Variants in RAPGEF2 observed in about 807,000 individuals in gnomAD.
The protein encoded by RAPGEF2 is PDZ domain containing guanine nucleotide exchange factor (GEF) 1.
RAPGEF2 carries 54 observed loss-of-function variants against 186.7 expected under a neutral mutation model. The observed-to-expected ratio is 0.29, with a 90% confidence interval of 0.23 to 0.36. RAPGEF2 has a LOEUF of 0.36. Among genes scored for constraint, RAPGEF2 ranks in the 10% least tolerant of loss-of-function variants. The pLI is 1.00. For synonymous variants in RAPGEF2, 712 were observed against 705.9 expected (o/e 1.01, Z -0.14); for missense variants, 1,532 against 2,045.0 (o/e 0.75, Z 4.84).
At chr4:159,357,915 A>G (rs1305858330) in intron 29 of RAPGEF2, among the ~76,000 whole-genome samples, 199 bp from the exon 30 acceptor site, 1 of 152,144 alleles carries the variant, frequency 6.6e-6, no homozygotes, top group Non-Finnish European at 1.5e-5. Context: ...GTATATATGT[A>G]AAGATATGTA....
intron 7 of RAPGEF2, among the ~76,000 whole-genome samples, chr4:159,252,137 A>G (rs1225625984): frequency 6.6e-6 from 1 of 152,106 alleles, no homozygotes; most frequent in African/African-American, 2.4e-5. Flanking sequence ...AATTCCGGAG[A>G]CACAACTCCA....
At chr4:159,325,107 G>A (rs1765745845) in intron 11 of RAPGEF2, among the ~76,000 whole-genome samples, 1 of 151,774 alleles carries the variant, frequency 6.6e-6, no homozygotes, top group Non-Finnish European at 1.5e-5. Context: ...AATGACCATG[G>A]CTATACATAA....
intron 17 of RAPGEF2, among the ~76,000 whole-genome samples, chr4:159,335,161 G>T (rs1767225845): frequency 6.6e-6 from 1 of 152,168 alleles, no homozygotes; most frequent in African/African-American, 2.4e-5. Flanking sequence ...AAGCTAAGAT[G>T]CTAGATAATG....
intron 1 of RAPGEF2, among the ~76,000 whole-genome samples, chr4:159,127,473 T>C (rs2111116347): frequency 6.6e-6 from 1 of 152,364 alleles, no homozygotes; most frequent in South Asian, 2.1e-4. Flanking sequence ...CCCCCCTTCA[T>C]GAAGCATCTT....
intron 4 of RAPGEF2, among the ~76,000 whole-genome samples, chr4:159,233,550 C>T (rs2111445698): frequency 6.6e-6 from 1 of 152,134 alleles, no homozygotes; most frequent in East Asian, 1.9e-4. Flanking sequence ...TATGTTCTCA[C>T]TCATAAGTGG....
chr4:159,305,586 A>G (rs930938913), intron 8 of RAPGEF2, among the ~76,000 whole-genome samples: 2 of 152,100 alleles, frequency 1.3e-5, no homozygotes, highest in African/African-American at 4.8e-5. Context: ...AGTCCCCAGT[A>G]GGATGCATAG....
intron 7 of RAPGEF2, among the ~76,000 whole-genome samples, chr4:159,277,491 G>T (rs1197109727): frequency 6.6e-6 from 1 of 152,146 alleles, no homozygotes; most frequent in Non-Finnish European, 1.5e-5. Flanking sequence ...GATCCCTGAG[G>T]AATCGCCACA....
In RAPGEF2 at chr4:159,352,735, C is replaced by T; in HGVS notation, c.3916C>T (p.His1306Tyr). 1 of 1,614,152 alleles carries T rather than the reference C, an allele frequency of 6.2e-7. No homozygotes were observed. Among genetic ancestry groups the T allele is most frequent in the Non-Finnish European group, 8.5e-7 (1 of 1,180,022 alleles). The change falls in exon 27 of 30, where the codon CAC (histidine) becomes TAC (tyrosine). Residue 1306 changes from histidine (H) to tyrosine (Y), a missense_variant. His to Tyr is a moderately conservative substitution (Grantham distance 83). Around this residue, in one of 4 missense-constraint regions of RAPGEF2, gnomAD observed 594 missense variants for 608.5 expected, o/e 0.98. Transcript: ENST00000691494. ...TGTGGATAATTTTTCAGATTCTGGT[C>T]ACAGTGAAATTTCTTCACGATCCAG... ...GTVDNFSDSG[H>Y]SEISSRSSIV...
intron 3 of RAPGEF2, among the ~76,000 whole-genome samples, chr4:159,197,059 GT>G (rs1748724907): frequency 6.6e-6 from 1 of 152,190 alleles, no homozygotes; most frequent in South Asian, 2.1e-4. Context: ...GTATTGTGCT[GT>G]TTTGTGGGAA....
In RAPGEF2 at chr4:159,157,350, AAG is replaced by A. The variant is rs1491138922; in HGVS notation, c.70-29290_70-29289del. 2.6e-5 allele frequency among the ~76,000 whole-genome samples: 4 copies of A among 152,322 alleles called. No homozygotes were observed. The East Asian group carries it at 7.7e-4, about 29-fold the overall frequency. ...TACCGTTCAGTGGTGATTGAAAAAA[AAG>A]AAAAAAAGCCAACTAACAGGGCTAC... is the stretch of plus-strand genomic sequence containing the variant. On this transcript the variant is annotated intron_variant, in intron 1 of 29. Coordinates refer to ENST00000691494, the MANE Select transcript of RAPGEF2 (RefSeq NM_001394067.2).
chr4:159,238,089 C>T (rs902114297), intron 4 of RAPGEF2, among the ~76,000 whole-genome samples: 9 of 151,772 alleles, frequency 5.9e-5, no homozygotes, highest in African/African-American at 2.2e-4. Flanking sequence ...ACAAAAAGAG[C>T]TTCACCCAAA....
intron 4 of RAPGEF2, among the ~76,000 whole-genome samples, chr4:159,222,665 G>T (rs1487585534): frequency 6.6e-6 from 1 of 152,160 alleles, no homozygotes; most frequent in Non-Finnish European, 1.5e-5. Context: ...ATAGAGGGAT[G>T]TGTGAGTTAC....
At chr4:159,304,635 G>C (rs747093292) in intron 8 of RAPGEF2, among the ~76,000 whole-genome samples, 162 bp downstream of exon 8, 2 of 152,096 alleles carry the variant, frequency 1.3e-5, no homozygotes, top group South Asian at 2.1e-4. Context: ...TATTTTTAGG[G>C]TGTAGAACTG....
chr4:159,198,634 T>C (rs1268018078), intron 3 of RAPGEF2, among the ~76,000 whole-genome samples: 3 of 151,202 alleles, frequency 2.0e-5, no homozygotes, highest in African/African-American at 7.3e-5. Context: ...TTAGTAGTGC[T>C]GGGGTTTCGC....
intron 19 of RAPGEF2, among the ~76,000 whole-genome samples, chr4:159,340,809 AC>A (rs1561312745): frequency 7.0e-6 from 1 of 142,764 alleles, no homozygotes; most frequent in African/African-American, 2.6e-5. Flanking sequence ...ACACACACAC[AC>A]ACACGTGTGC....
At chr4:159,277,982 C>A (rs940716575) in intron 7 of RAPGEF2, among the ~76,000 whole-genome samples, 1 of 152,104 alleles carries the variant, frequency 6.6e-6, no homozygotes, top group Non-Finnish European at 1.5e-5. Context: ...GCTTTTGTTG[C>A]CATTGCTTTT....
At chr4:159,223,206 T>TCTTA (rs10645904) in intron 4 of RAPGEF2, among the ~76,000 whole-genome samples, 93,546 of 151,472 alleles carry the variant, frequency 0.62, 29,921 homozygotes, top group African/African-American at 0.74. Context: ...CTTAGATGTT[T>TCTTA]CTTACGGCGT....
chr4:159,348,242 A>AGATAGATAGATAGATAGATAGATAGATG (rs544061786), intron 25 of RAPGEF2, among the ~76,000 whole-genome samples: 37 of 145,066 alleles, frequency 2.6e-4, no homozygotes, highest in African/African-American at 9.9e-4. Context: ...ATAGATAGAT[A>AGATAGATAGATAGATAGATAGATAGATG]GATGGATGGA....
chr4:159,176,186 A>T (rs947437810), intron 1 of RAPGEF2, among the ~76,000 whole-genome samples: 15 of 152,170 alleles, frequency 9.9e-5, no homozygotes, highest in African/African-American at 3.1e-4. Context: ...GCTGGTCATC[A>T]TGTGGAAAGG....
Sources: allele counts gnomAD v4.1 joint callset (sites outside exome capture counted in the v4.1 genomes callset), GRCh38; gene constraint gnomAD v4.1.1; regional missense constraint gnomAD v4.1.1; transcripts MANE v1.5; gene names NCBI Gene and HGNC (gene_info 2026-07-23, HGNC 2026-07-21).